The following SCAI variants were observed in gnomAD, a reference collection of about 807,000 sequenced individuals.
SCAI encodes protein SCAI.
Under a neutral mutation model 92.2 loss-of-function variants are expected in SCAI, and 24 were observed. The ratio of observed to expected loss-of-function variants is 0.26; its 90% CI spans 0.19 to 0.37. SCAI has a LOEUF of 0.37. Ranked by LOEUF, SCAI falls within the 10% of genes least tolerant of loss-of-function variation. The probability of loss-of-function intolerance (pLI) is 1.00; values close to 1 mark genes in which losing one functional copy is unlikely to be tolerated. For missense variants in SCAI, 450 were observed against 736.2 expected (o/e 0.61, Z 4.50); for synonymous variants, 261 against 258.6 (o/e 1.01, Z -0.09).
At chr9:125,032,195 A>ATATATATATATATTT (rs1177865840) in intron 3 of SCAI, among the ~76,000 whole-genome samples, 4 of 99,450 alleles carry the variant, frequency 4.0e-5, no homozygotes, top group East Asian at 6.5e-4. Flanking sequence ...ATATATATAT[A>ATATATATATATATTT]TTTTTTTTTT....
At chr9:125,050,134 A>G (rs539837103) in intron 3 of SCAI, among the ~76,000 whole-genome samples, 7 of 152,236 alleles carry the variant, frequency 4.6e-5, no homozygotes, top group East Asian at 1.9e-4. Flanking sequence ...AAAGGGCTTA[A>G]TATTAAAAAC....
rs748980084 is a variant in SCAI at position 125,142,623 on chromosome 9, A to G, written c.98+10T>C. 4 of 1,612,444 alleles carry G rather than the reference A, an allele frequency of 2.5e-6. No homozygotes were observed. In the South Asian group the frequency reaches 4.4e-5, roughly 18 times the overall value. On this transcript the variant is annotated intron_variant, in intron 2 of 17. Transcript: ENST00000336505. ...AAAACATGAAGCAAAATAGGAAGGC[A>G]CTGCCTTACCTGCTTCTCCGTTTTC...
chr9:125,034,186 C>T (rs2131096296), intron 3 of SCAI, among the ~76,000 whole-genome samples: 1 of 152,316 alleles, frequency 6.6e-6, no homozygotes, highest in East Asian at 1.9e-4. Flanking sequence ...GCTCACTCTA[C>T]TCCTGCCCTC....
At chr9:125,002,692 C>A (rs190124237) in intron 11 of SCAI, among the ~76,000 whole-genome samples, 224 of 151,864 alleles carry the variant, frequency 1.5e-3, no homozygotes, top group African/African-American at 5.2e-3. Flanking sequence ...CCATGTTGGT[C>A]AAGCTGTTCT....
At position 125,002,030 on chromosome 9, in the gene SCAI, T is replaced by C. The variant is rs1203143896; in HGVS notation, c.1079A>G (p.Asn360Ser). The change falls in exon 12 of 18, where the codon AAT becomes AGT. Residue 360 changes from asparagine to serine, a missense_variant. Physicochemically the swap from Asn to Ser is conservative, Grantham distance 46. Coordinates refer to ENST00000336505, the MANE Select transcript of SCAI (RefSeq NM_001144877.3). Reference protein sequence around the residue: ...LAASFKELPANSVLLIYLSAT... With the variant: ...LAASFKELPASSVLLIYLSAT... ...CGACAGGTAAATCAGAAGCACGCTA[T>C]TGGCAGGCAGCTCCTGAAATGAAAG... The C allele has an allele frequency of 1.9e-6, 3 of 1,612,514 alleles. No individual in the cohort carries two copies. Among genetic ancestry groups the C allele is most frequent in the African/African-American group, 1.3e-5 (1 of 74,886 alleles).
At chr9:124,996,445 G>C (rs1832241021) in intron 13 of SCAI, among the ~76,000 whole-genome samples, 2 of 151,860 alleles carry the variant, frequency 1.3e-5, no homozygotes, top group African/African-American at 4.8e-5. Context: ...GGGACCATGG[G>C]CGTGCACCTC....
At chr9:125,000,612 AAAG>A (rs1352473686) in intron 12 of SCAI, among the ~76,000 whole-genome samples, 10 of 151,896 alleles carry the variant, frequency 6.6e-5, no homozygotes, top group East Asian at 1.9e-4. Context: ...AGAAAAAAAA[AAAG>A]AAGTTGCAGA....
chr9:124,989,612 G>A (rs1256059950), intron 14 of SCAI, among the ~76,000 whole-genome samples: 1 of 152,034 alleles, frequency 6.6e-6, no homozygotes, highest in African/African-American at 2.4e-5. Context: ...GTCCAGGCAC[G>A]ATGGCTCATG....
chr9:125,004,351 C>A (rs1313511598), intron 9 of SCAI, among the ~76,000 whole-genome samples: 1 of 140,986 alleles, frequency 7.1e-6, no homozygotes, highest in East Asian at 2.1e-4. Flanking sequence ...TTTTTTGAGA[C>A]AGAGTCTTGC....
chr9:125,120,600 G>A (rs1375514300), intron 2 of SCAI, among the ~76,000 whole-genome samples: 1 of 152,186 alleles, frequency 6.6e-6, no homozygotes, highest in Non-Finnish European at 1.5e-5. Context: ...GGCTGAGGCA[G>A]GAGAATCACT....
intron 3 of SCAI, among the ~76,000 whole-genome samples, chr9:125,050,561 G>A (rs1044988073): frequency 2.3e-4 from 35 of 152,094 alleles, no homozygotes; most frequent in African/African-American, 8.4e-4. Context: ...ATTGAACAAA[G>A]AACACTTTTT....
At chr9:125,005,670 A>AT (rs1384128506) in intron 9 of SCAI, among the ~76,000 whole-genome samples, 1 of 152,162 alleles carries the variant, frequency 6.6e-6, no homozygotes, top group Non-Finnish European at 1.5e-5. Flanking sequence ...GTTTAAGGAG[A>AT]TAAGTGGGCA....
rs1831160468 is a variant in SCAI at position 124,947,264 on chromosome 9, G to T, written c.*5543C>A. 1 of 152,064 alleles carries T rather than the reference G, an allele frequency of 6.6e-6. No individual in the cohort carries two copies. The highest frequency in any genetic ancestry group is 1.5e-5 in the Non-Finnish European group (1 of 68,010). The allele number at this position is 152,064 out of a possible 1,614,324, so 9.4% of individuals were successfully genotyped here. On this transcript the variant is annotated 3_prime_UTR_variant, in exon 18 of 18. Transcript: ENST00000336505. ...GTAATAATACTTAAATATGGATCAA[G>T]AAAATAAAGGACTACTACAGCCTAA...
At position 124,948,217 on chromosome 9, in the gene SCAI, G is replaced by T. The variant is rs1353931729; in HGVS notation, c.*4590C>A. ...AGGGCAGTAGCCAGAAGTTGGAGGG[G>T]AGGGAACCACCCGGATCCTCTATCA... On this transcript the variant is annotated 3_prime_UTR_variant, in exon 18 of 18. Transcript: ENST00000336505. 1 of 152,174 alleles carries T rather than the reference G, an allele frequency of 6.6e-6. No individual in the cohort carries two copies. Among genetic ancestry groups the T allele is most frequent in the Non-Finnish European group, 1.5e-5 (1 of 68,026 alleles). 9.4% of individuals were successfully genotyped at this position (152,174 alleles called of 1,614,324 possible).
rs1421351623 is a variant in SCAI at position 124,950,138 on chromosome 9, T to C, written c.*2669A>G. The C allele has an allele frequency of 6.6e-6, 1 of 152,104 alleles. No individual in the cohort carries two copies. Among genetic ancestry groups the C allele is most frequent in the Admixed American group, 6.6e-5 (1 of 15,252 alleles). 9.4% of individuals were successfully genotyped at this position (152,104 alleles called of 1,614,324 possible). A position where few individuals can be genotyped will look rare whatever the true frequency, so the allele number is the denominator to read the frequency against. Reference sequence around the variant, plus strand: ...AAACAGCTAAGTGGGACCCAGATTTTCTTGAACAAAATCTAGGTAAATATG... The same window carrying C: ...AAACAGCTAAGTGGGACCCAGATTTCCTTGAACAAAATCTAGGTAAATATG... On this transcript the variant is annotated 3_prime_UTR_variant, in exon 18 of 18. Transcript: ENST00000336505.
At chr9:125,081,990 T>C (rs1301570939) in intron 2 of SCAI, among the ~76,000 whole-genome samples, 1 of 152,206 alleles carries the variant, frequency 6.6e-6, no homozygotes, top group Non-Finnish European at 1.5e-5. Context: ...TGCAGAAATT[T>C]GCATAAGTAA....
At position 125,130,778 on chromosome 9, in the gene SCAI, C is replaced by T. The variant is rs139290495; in HGVS notation, c.98+11855G>A. Among the ~76,000 whole-genome samples the T allele has an allele frequency of 2.4e-4, 36 of 151,680 alleles. No homozygotes were observed. The East Asian group carries it at 6.2e-3, about 26-fold the overall frequency. On this transcript the variant is annotated intron_variant, in intron 2 of 17. Coordinates refer to ENST00000336505, the MANE Select transcript of SCAI (RefSeq NM_001144877.3). ...GATTACAGGTGTGACCCACTGTGCC[C>T]GGCCAAGACTGGAAAACTCTTAATA... is the stretch of plus-strand genomic sequence containing the variant.
intron 13 of SCAI, among the ~76,000 whole-genome samples, chr9:124,997,939 T>C (rs769275304): frequency 1.8e-4 from 27 of 152,034 alleles, no homozygotes; most frequent in Non-Finnish European, 3.5e-4. Context: ...GAAATTCTAT[T>C]TGCTTTTGTA....
chr9:124,972,551 G>T (rs922227610), intron 15 of SCAI, among the ~76,000 whole-genome samples: 1 of 152,088 alleles, frequency 6.6e-6, no homozygotes, highest in African/African-American at 2.4e-5. Context: ...TTTGATATAG[G>T]TAATAGAAAA....
Sources: gnomAD v4.1 joint callset for allele counts (sites outside exome capture counted in the v4.1 genomes callset) on GRCh38, gnomAD v4.1.1 for gene constraint, MANE v1.5 for transcripts, NCBI Gene and HGNC (gene_info 2026-07-23, HGNC 2026-07-21) for gene names.